The following CAMK2A variants were observed in gnomAD, a reference collection of about 807,000 sequenced individuals.
The protein encoded by CAMK2A is calcium/calmodulin dependent protein kinase II alpha.
CAMK2A carries 7 observed loss-of-function variants against 79.2 expected under a neutral mutation model. The observed-to-expected ratio is 0.09, with a 90% CI of 0.05 to 0.17. The LOEUF is 0.17. Among genes scored for constraint, CAMK2A ranks in the 10% least tolerant of loss-of-function variants. The pLI is 1.00. For missense variants in CAMK2A, 214 were observed against 646.4 expected, an observed-to-expected ratio of 0.33 and a Z score of 7.25; for synonymous variants, 242 against 251.7, an observed-to-expected ratio of 0.96 and a Z score of 0.36.
At position 150,247,757 on chromosome 5, in the gene CAMK2A, G is replaced by A; in HGVS notation, c.943+15C>T. 6.2e-7 allele frequency: 1 copy of A among 1,607,044 alleles called. No homozygotes were observed. ...GTGCAGGGCTTACTGGGGACCCTGA[G>A]GTCCTGCCACCTACCGGAGAAGTTC... On this transcript the variant is annotated intron_variant, in intron 12 of 18. Transcript: ENST00000671881.
intron 13 of CAMK2A, among the ~76,000 whole-genome samples, chr5:150,243,102 T>G (rs1229004992): frequency 1.3e-5 from 2 of 152,212 alleles, no homozygotes; most frequent in Non-Finnish European, 2.9e-5. Context: ...TGGCAGCTTC[T>G]GCCTCCTGGC....
At chr5:150,243,710 C>T (rs1755443241) in intron 13 of CAMK2A, among the ~76,000 whole-genome samples, 1 of 152,204 alleles carries the variant, frequency 6.6e-6, no homozygotes, top group African/African-American at 2.4e-5. Context: ...CAGCACCTTG[C>T]TAAGCTCTCA....
chr5:150,247,856 G>A (rs766814808), intron 11 of CAMK2A, 42 bp from the exon 12 acceptor site: 19 of 1,574,318 alleles, frequency 1.2e-5, no homozygotes, highest in Non-Finnish European at 1.7e-5. Flanking sequence ...GGAGGCCGGA[G>A]TGAAGGGACC....
intron 2 of CAMK2A, chr5:150,265,255 C>A (rs1470488863): frequency 4.0e-6 from 2 of 503,306 alleles, no homozygotes; most frequent in East Asian, 7.2e-5. Flanking sequence ...GCCTCCGTTT[C>A]CATGATTCTT....
intron 1 of CAMK2A, among the ~76,000 whole-genome samples, chr5:150,288,520 G>A (rs1477001712): frequency 1.3e-5 from 2 of 152,100 alleles, no homozygotes; most frequent in African/African-American, 2.4e-5. Context: ...CCCTTCTACA[G>A]CCACACACAT....
chr5:150,287,890 G>C (rs1018755011), intron 1 of CAMK2A, among the ~76,000 whole-genome samples: 2 of 151,652 alleles, frequency 1.3e-5, no homozygotes, highest in Non-Finnish European at 2.9e-5. Flanking sequence ...CGTACACATG[G>C]GGGTATATGT....
intron 1 of CAMK2A, among the ~76,000 whole-genome samples, chr5:150,280,889 G>A (rs1295210947): frequency 1.3e-5 from 2 of 152,096 alleles, no homozygotes; most frequent in Non-Finnish European, 2.9e-5. Flanking sequence ...CTCTACCAGG[G>A]GCCATTAGCT....
intron 3 of CAMK2A, among the ~76,000 whole-genome samples, chr5:150,263,221 C>T (rs1756366155): frequency 6.6e-6 from 1 of 152,194 alleles, no homozygotes; most frequent in Admixed American, 6.5e-5. Flanking sequence ...AGTCTGTCAG[C>T]TCCAAAGCCA....
In CAMK2A at chr5:150,246,633, T is replaced by TA. The variant is rs1289103398; in HGVS notation, c.943+1138dup. Among the ~76,000 whole-genome samples the TA allele has an allele frequency of 7.9e-5, 12 of 152,266 alleles. No individual in the cohort carries two copies. In the East Asian group the frequency reaches 9.6e-4, roughly 12 times the overall value. ...GAGTTCTTTAGGGTGCTTCAGTTGT[T>TA]AAAAAAAGACTCTGACTATCTGGGT... On this transcript the variant is annotated intron_variant, in intron 12 of 18. Transcript: ENST00000671881.
chr5:150,273,291 C>A lies in CAMK2A; in HGVS notation c.63-132G>T, dbSNP rs1364712889. ...TCAGAGCTGCTCAAGCTCACAGGGGCTTCTGTGACCCAACTCAGGGACACA... is the reference window on the plus strand; with the variant it reads ...TCAGAGCTGCTCAAGCTCACAGGGGATTCTGTGACCCAACTCAGGGACACA... On this transcript the variant is annotated intron_variant, in intron 1 of 18. Coordinates refer to ENST00000671881, the MANE Select transcript of CAMK2A (RefSeq NM_015981.4). 4.6e-6 allele frequency: 3 copies of A among 646,500 alleles called. No individual in the cohort carries two copies. The South Asian group carries it at 5.8e-5, about 13-fold the overall frequency. The allele number at this position is 646,500 out of a possible 1,614,324, so 40.0% of individuals were successfully genotyped here.
chr5:150,253,920 G>T (rs1755944753), intron 6 of CAMK2A, among the ~76,000 whole-genome samples: 1 of 152,220 alleles, frequency 6.6e-6, no homozygotes, highest in Non-Finnish European at 1.5e-5. Context: ...TGGGTTAAGT[G>T]TTCTGCGTGC....
chr5:150,221,376 G>C lies in CAMK2A; in HGVS notation c.*1334C>G, dbSNP rs1156999478. The C allele has an allele frequency of 2.5e-6, 1 of 398,444 alleles. No individual in the cohort carries two copies. Among genetic ancestry groups the C allele is most frequent in the African/African-American group, 2.1e-5 (1 of 48,556 alleles). 24.7% of individuals were successfully genotyped at this position (398,444 alleles called of 1,614,324 possible). ...GTAGAAATTCCCAGTGCTTTGCTGT[G>C]GTCATCAGACGCCAAGGGGAGAGAG... is the stretch of plus-strand genomic sequence containing the variant. On this transcript the variant is annotated 3_prime_UTR_variant, in exon 19 of 19. Transcript: ENST00000671881.
intron 16 of CAMK2A, among the ~76,000 whole-genome samples, chr5:150,229,485 A>G (rs567231673): frequency 4.9e-4 from 75 of 152,312 alleles, no homozygotes; most frequent in African/African-American, 1.8e-3. Context: ...CATTGTACAT[A>G]TGGGGAAACT....
Position 150,280,002 on chromosome 5 carries a change from G to A in CAMK2A, c.63-6843C>T, listed in dbSNP as rs539207384. 2.0e-5 allele frequency among the ~76,000 whole-genome samples: 3 copies of A among 152,338 alleles called. No homozygotes were observed. The South Asian group carries it at 6.2e-4, about 32-fold the overall frequency. ...GTGCAGCTCCAGCAGCACTAGATGG[G>A]GAGTCAGAAGTCCTGAGCCCTCACT... On this transcript the variant is annotated intron_variant, in intron 1 of 18. Transcript: ENST00000671881.
At chr5:150,257,408 G>A (rs1044441521) in intron 4 of CAMK2A, among the ~76,000 whole-genome samples, 155 bp downstream of exon 4, 1 of 152,372 alleles carries the variant, frequency 6.6e-6, no homozygotes, top group East Asian at 1.9e-4. Context: ...TGGTGTTTTA[G>A]GAAAGTCAGC....
intron 1 of CAMK2A, among the ~76,000 whole-genome samples, chr5:150,281,638 C>A (rs1471545772): frequency 6.6e-5 from 10 of 152,212 alleles, no homozygotes; most frequent in African/African-American, 2.4e-4. Flanking sequence ...GGGGGTCCGA[C>A]CTTGAGGTCC....
At chr5:150,265,066 C>A in intron 2 of CAMK2A, 51 bp from the exon 3 acceptor site, 2 of 1,335,410 alleles carry the variant, frequency 1.5e-6, no homozygotes, top group South Asian at 2.4e-5. Flanking sequence ...AACCATTACC[C>A]TCCATCTCCC....
chr5:150,222,838 A>G, intron 18 of CAMK2A, 125 bp from the exon 19 acceptor site: 3 of 1,387,078 alleles, frequency 2.2e-6, no homozygotes, highest in Non-Finnish European at 3.1e-6. Flanking sequence ...CTTCCCCCAG[A>G]CCTGCAGGCC....
At chr5:150,289,247 C>A (rs1045794647) in intron 1 of CAMK2A, among the ~76,000 whole-genome samples, 1 of 152,190 alleles carries the variant, frequency 6.6e-6, no homozygotes, top group Non-Finnish European at 1.5e-5. Flanking sequence ...CCCTAAGTCT[C>A]TAAGAATCTG....
Sources: allele counts gnomAD v4.1 joint callset (sites outside exome capture counted in the v4.1 genomes callset), GRCh38; gene constraint gnomAD v4.1.1; transcripts MANE v1.5; gene names NCBI Gene and HGNC (gene_info 2026-07-23, HGNC 2026-07-21).